The following PDK3 variants were observed in gnomAD, a reference collection of about 807,000 sequenced individuals.
The protein encoded by PDK3 is pyruvate dehydrogenase kinase, isozyme 3.
In PDK3, 12 loss-of-function variants were observed where a neutral mutation model predicts 32.0. The ratio of observed to expected loss-of-function variants is 0.37; its 90% CI spans 0.24 to 0.61. PDK3 has a LOEUF of 0.61. Ranked by LOEUF, PDK3 falls within the 20% of genes least tolerant of loss-of-function variation. PDK3 has a pLI of 0.65. For missense variants in PDK3, 188 were observed against 316.9 expected (o/e 0.59, Z 3.09); for synonymous variants, 122 against 116.3 (o/e 1.05, Z -0.31).
intron 1 of PDK3, among the ~76,000 whole-genome samples, chrX:24,473,528 C>T (rs1329353309): frequency 9.2e-6 from 1 of 109,042 alleles, no homozygotes; most frequent in Non-Finnish European, 1.9e-5. Flanking sequence ...CCTCTGCCTC[C>T]CGGGTTCAGG....
chrX:24,493,543 A>G (rs1354609412), intron 1 of PDK3, among the ~76,000 whole-genome samples: 1 of 111,376 alleles, frequency 9.0e-6, no homozygotes, highest in Non-Finnish European at 1.9e-5. Flanking sequence ...GGGCCTGGCC[A>G]TGATGTTGCC....
chrX:24,465,467 C>T lies in PDK3; in HGVS notation c.12C>T (p.Phe4=). MRL[F]RWLLKQPVPK... is the part of the protein sequence containing the mutation. ...CCGCCCGGGCGAGGATGCGGCTGTTCCGGTGGCTGCTGAAGCAGCCGGTGC... is the reference window on the plus strand; with the variant it reads ...CCGCCCGGGCGAGGATGCGGCTGTTTCGGTGGCTGCTGAAGCAGCCGGTGC... The change falls in exon 1 of 11, where the codon TTC becomes TTT. Residue 4 remains phenylalanine (F), a synonymous_variant. Coordinates refer to ENST00000379162, the MANE Select transcript of PDK3 (RefSeq NM_005391.5). 1 of 1,204,779 alleles carries T rather than the reference C, an allele frequency of 8.3e-7. No homozygotes were observed. The highest frequency in any genetic ancestry group is 1.1e-6 in the Non-Finnish European group (1 of 891,061).
At chrX:24,478,128 CT>C (rs1921156200) in intron 1 of PDK3, among the ~76,000 whole-genome samples, 2 of 111,573 alleles carry the variant, frequency 1.8e-5, no homozygotes, top group South Asian at 7.5e-4. Flanking sequence ...GGGTTTACAT[CT>C]TTGCCATGTA....
At chrX:24,524,791 G>C (rs1922482658) in intron 6 of PDK3, among the ~76,000 whole-genome samples, 1 of 111,850 alleles carries the variant, frequency 8.9e-6, no homozygotes, top group Non-Finnish European at 1.9e-5. Context: ...GATAGGAAAG[G>C]GGGAAGGACT....
At chrX:24,527,311 GGAA>G (rs1055784099) in intron 7 of PDK3, among the ~76,000 whole-genome samples, 14 of 106,690 alleles carry the variant, frequency 1.3e-4, no homozygotes, top group East Asian at 2.9e-4. Context: ...AAAAAAAAGA[GGAA>G]GAAGAAGAAG....
intron 7 of PDK3, 90 bp downstream of exon 7, chrX:24,526,364 A>G (rs1602125815): frequency 1.8e-6 from 1 of 569,187 alleles, no homozygotes; most frequent in Non-Finnish European, 2.9e-6. Flanking sequence ...TAGCATAAGA[A>G]AAAGGTTTTG....
chrX:24,520,270 TA>T lies in PDK3; in HGVS notation c.673+1263del, dbSNP rs1922364928. ...ATTGATGATCACAGTAGTTTTCTTA[TA>T]AAGTTAGAAAACAACCCAAATTTTC... On this transcript the variant is annotated intron_variant, in intron 6 of 10. Coordinates refer to ENST00000379162, the MANE Select transcript of PDK3 (RefSeq NM_005391.5). Among the ~76,000 whole-genome samples, 3 of 112,357 alleles carry T rather than the reference TA, an allele frequency of 2.7e-5. No homozygotes were observed. The East Asian group carries it at 8.3e-4, about 31-fold the overall frequency.
intron 1 of PDK3, among the ~76,000 whole-genome samples, chrX:24,472,867 A>G (rs1421253532): frequency 1.9e-5 from 2 of 105,826 alleles, no homozygotes; most frequent in African/African-American, 6.8e-5. Flanking sequence ...TTGTATTTTT[A>G]GTAGAGATGG....
chrX:24,522,670 C>T (rs1922426320), intron 6 of PDK3, among the ~76,000 whole-genome samples: 1 of 110,851 alleles, frequency 9.0e-6, no homozygotes, highest in Non-Finnish European at 1.9e-5. Context: ...CTTTGGGAGG[C>T]CGAGGTGGGC....
chrX:24,469,438 AT>A (rs1217413892), intron 1 of PDK3, among the ~76,000 whole-genome samples: 1 of 109,872 alleles, frequency 9.1e-6, no homozygotes, highest in East Asian at 2.8e-4. Context: ...TCTAGATAGA[AT>A]TTTTTTCTCC....
At chrX:24,484,830 C>T (rs1921357235) in intron 1 of PDK3, among the ~76,000 whole-genome samples, 2 of 109,783 alleles carry the variant, frequency 1.8e-5, no homozygotes, top group African/African-American at 6.7e-5. Context: ...TTTTCCCTCT[C>T]CATCCATCCC....
chrX:24,516,315 C>T (rs1008207987), intron 5 of PDK3, among the ~76,000 whole-genome samples: 2 of 111,281 alleles, frequency 1.8e-5, no homozygotes, highest in African/African-American at 3.3e-5. Flanking sequence ...AATGCGCCCA[C>T]GAAGCAGCAG....
At chrX:24,499,984 T>C (rs924085385) in intron 3 of PDK3, among the ~76,000 whole-genome samples, 1 of 111,887 alleles carries the variant, frequency 8.9e-6, no homozygotes, top group Non-Finnish European at 1.9e-5. Context: ...TAAGCGATTA[T>C]TAAATGAATT....
chrX:24,490,571 CA>C (rs1197707797), intron 1 of PDK3, among the ~76,000 whole-genome samples: 1 of 111,790 alleles, frequency 8.9e-6, no homozygotes. Flanking sequence ...CATTTTGTGG[CA>C]AAACCAGACC....
At chrX:24,507,301 A>T (rs867699882) in intron 5 of PDK3, among the ~76,000 whole-genome samples, 43 of 112,622 alleles carry the variant, frequency 3.8e-4, no homozygotes, top group Admixed American at 1.3e-3. Flanking sequence ...TTCACTCAGC[A>T]TAACATTTTC....
rs181472893 is a variant in PDK3 at position 24,544,505 on chromosome X, C to T, written c.*5341C>T. On this transcript the variant is annotated 3_prime_UTR_variant, in exon 12 of 12. Coordinates refer to the PDK3 transcript ENST00000568479. ...GTCCTCGTTTTTCTGGAAACATGCACGCGCAGAGTGTGCCCAGCTTCTCCC... is the reference window on the plus strand; with the variant it reads ...GTCCTCGTTTTTCTGGAAACATGCATGCGCAGAGTGTGCCCAGCTTCTCCC... Among the ~76,000 whole-genome samples, 28 of 112,124 alleles carry T rather than the reference C, an allele frequency of 2.5e-4. No individual in the cohort carries two copies. The East Asian group carries it at 4.2e-3, about 17-fold the overall frequency.
At chrX:24,540,369 T>C (rs1201006159) in exon 12 of PDK3, among the ~76,000 whole-genome samples, 1 of 112,197 alleles carries the variant, frequency 8.9e-6, no homozygotes, top group African/African-American at 3.2e-5. Flanking sequence ...CCCGTTTTAA[T>C]GTCCATATAA....
exon 12 of PDK3, among the ~76,000 whole-genome samples, chrX:24,544,530 C>T (rs754866296): frequency 8.9e-6 from 1 of 112,066 alleles, no homozygotes; most frequent in Admixed American, 9.5e-5. Context: ...CAGCTTCTCC[C>T]GACTGTTGCC....
chrX:24,536,740 C>T (rs1308325844), downstream of PDK3, among the ~76,000 whole-genome samples: 1 of 110,720 alleles, frequency 9.0e-6, no homozygotes, highest in Non-Finnish European at 1.9e-5. Context: ...TTCCTCTACC[C>T]ACAAAGACTC....
Sources: allele counts gnomAD v4.1 joint callset (sites outside exome capture counted in the v4.1 genomes callset), GRCh38; gene constraint gnomAD v4.1.1; transcripts MANE v1.5; gene names NCBI Gene and HGNC (gene_info 2026-07-23, HGNC 2026-07-21).